PBX1: variants seen among roughly 807,000 people sequenced by gnomAD.
The protein encoded by PBX1 is PBX homeobox 1, also known as pre-B-cell leukemia transcription factor 1.
PBX1 carries 6 observed loss-of-function variants against 53.4 expected under a neutral mutation model. That is an observed-to-expected ratio of 0.11 (90% CI 0.06 to 0.22). The LOEUF (loss-of-function observed/expected upper bound fraction) is 0.22, where lower values mean the gene tolerates loss of function less well. PBX1 is among the 10% of genes least tolerant of loss of function. PBX1 has a pLI of 1.00. For missense variants in PBX1, 251 were observed against 551.4 expected (o/e 0.46, Z 5.46); for synonymous variants, 204 against 212.3 (o/e 0.96, Z 0.34).
chr1:164,792,795 G>A, intron 3 of PBX1, 57 bp downstream of exon 3: 1 of 1,330,472 alleles, frequency 7.5e-7, no homozygotes, highest in African/African-American at 1.5e-5. Context: ...GGTGGAGGAA[G>A]CACAACCCCG....
intron 2 of PBX1, among the ~76,000 whole-genome samples, chr1:164,790,465 T>C (rs1476739248): frequency 3.9e-5 from 6 of 152,120 alleles, no homozygotes; most frequent in Non-Finnish European, 5.9e-5. Context: ...CATGACGTGG[T>C]AGTGTTGTGG....
At chr1:164,871,817 C>T (rs1341194600) in intron 2 of PBX1, among the ~76,000 whole-genome samples, 2 of 152,058 alleles carry the variant, frequency 1.3e-5, no homozygotes, top group Non-Finnish European at 2.9e-5. Flanking sequence ...AAGAATGGAC[C>T]GCTCTCCTTC....
chr1:164,700,455 T>G (rs1663052825), intron 2 of PBX1: 2 of 985,328 alleles, frequency 2.0e-6, no homozygotes, highest in Non-Finnish European at 2.4e-6. Context: ...GGGAGGAGAT[T>G]CATGTTACTT....
At chr1:164,723,855 T>A (rs1408461598) in intron 2 of PBX1, among the ~76,000 whole-genome samples, 1 of 152,148 alleles carries the variant, frequency 6.6e-6, no homozygotes, top group Non-Finnish European at 1.5e-5. Context: ...GAAATTAAAG[T>A]GTATAATTAA....
At chr1:164,561,405 A>T (rs1340065511) in intron 1 of PBX1, among the ~76,000 whole-genome samples, 3 of 152,222 alleles carry the variant, frequency 2.0e-5, no homozygotes, top group African/African-American at 7.2e-5. Context: ...AAATGTTGAA[A>T]GACTCAAAGT....
chr1:164,856,858 T>C (rs766368142), intron 2 of PBX1, among the ~76,000 whole-genome samples: 15 of 152,206 alleles, frequency 9.9e-5, no homozygotes, highest in Non-Finnish European at 1.8e-4. Context: ...ACTGGTCCCC[T>C]ATCTGCTGCT....
chr1:164,688,094 C>T (rs1483122987), intron 2 of PBX1, among the ~76,000 whole-genome samples: 14 of 152,188 alleles, frequency 9.2e-5, no homozygotes, highest in Non-Finnish European at 4.4e-5. Flanking sequence ...CTGCCTCTCC[C>T]AGCTCTTTTC....
intron 2 of PBX1, among the ~76,000 whole-genome samples, chr1:164,702,597 G>A (rs1041195692): frequency 6.6e-6 from 1 of 152,162 alleles, no homozygotes; most frequent in African/African-American, 2.4e-5. Flanking sequence ...TGTCACGCAT[G>A]TGCTTGACTG....
rs138782817 is a variant in PBX1, at chr1:164,705,211, C to T, written c.266-87283C>T. Among the ~76,000 whole-genome samples, 787 of 152,248 alleles carry T rather than the reference C, an allele frequency of 5.2e-3. 8 individuals carry two copies. Among genetic ancestry groups the T allele is most frequent in the African/African-American group, 0.018 (732 of 41,544 alleles). Reference sequence around the variant, plus strand: ...AACCAAAAATGTCTCCAGACATTGCCAGATGTCTCCTGGGAGGCAAAATTA... The same window carrying T: ...AACCAAAAATGTCTCCAGACATTGCTAGATGTCTCCTGGGAGGCAAAATTA... On this transcript the variant is annotated intron_variant, in intron 2 of 8. Coordinates refer to ENST00000420696, the MANE Select transcript of PBX1 (RefSeq NM_002585.4).
At chr1:164,708,278 T>G (rs1319490667) in intron 2 of PBX1, among the ~76,000 whole-genome samples, 1 of 152,170 alleles carries the variant, frequency 6.6e-6, no homozygotes, top group African/African-American at 2.4e-5. Flanking sequence ...AAGGGGCAGA[T>G]AGAGATGAGT....
intron 2 of PBX1, among the ~76,000 whole-genome samples, chr1:164,885,897 C>G (rs1367695806): frequency 6.6e-6 from 1 of 152,106 alleles, no homozygotes; most frequent in Non-Finnish European, 1.5e-5. Context: ...ACCTAACATA[C>G]TATATAGCAC....
intron 2 of PBX1, among the ~76,000 whole-genome samples, chr1:164,777,131 A>G (rs974810510): frequency 2.0e-5 from 3 of 152,136 alleles, no homozygotes; most frequent in African/African-American, 7.2e-5. Flanking sequence ...TCACCTTAGC[A>G]TCTTTGAAAT....
intron 2 of PBX1, among the ~76,000 whole-genome samples, chr1:164,722,297 T>C: frequency 6.6e-6 from 1 of 152,192 alleles, no homozygotes; most frequent in East Asian, 1.9e-4. Context: ...TCTGGTTCCA[T>C]TTTTCTTTAT....
intron 2 of PBX1, among the ~76,000 whole-genome samples, chr1:164,732,422 G>A (rs777626995): frequency 6.6e-6 from 1 of 152,096 alleles, no homozygotes; most frequent in Non-Finnish European, 1.5e-5. Flanking sequence ...TATTAAAAAT[G>A]TTCCCCTTTC....
chr1:164,845,486 T>C (rs1317303027), intron 8 of PBX1, among the ~76,000 whole-genome samples: 1 of 152,192 alleles, frequency 6.6e-6, no homozygotes, highest in African/African-American at 2.4e-5. Flanking sequence ...CCTGATCTGT[T>C]CAACGTGAAC....
At position 164,592,399 on chromosome 1, in the gene PBX1, C is replaced by T. The variant is rs140330683; in HGVS notation, c.265+29088C>T. Reference sequence around the variant, plus strand: ...ATTGCTGCAAATTTGCCTAGTAGCCCAACTTTCCAAAGTTAAGATCATCCC... The same window carrying T: ...ATTGCTGCAAATTTGCCTAGTAGCCTAACTTTCCAAAGTTAAGATCATCCC... On this transcript the variant is annotated intron_variant, in intron 2 of 8. Coordinates refer to ENST00000420696, the MANE Select transcript of PBX1 (RefSeq NM_002585.4). Among the ~76,000 whole-genome samples the T allele has an allele frequency of 1.9e-3, 293 of 152,290 alleles. 2 individuals carry two copies. In the Middle Eastern group the frequency reaches 0.024, roughly 12 times the overall value.
intron 2 of PBX1, among the ~76,000 whole-genome samples, chr1:164,875,159 G>T (rs1353364058): frequency 6.6e-6 from 1 of 152,160 alleles, no homozygotes; most frequent in Non-Finnish European, 1.5e-5. Context: ...CCTCTGATGT[G>T]AAGTTAGGAC....
At chr1:164,741,123 T>C (rs556851058) in intron 2 of PBX1, among the ~76,000 whole-genome samples, 1 of 152,230 alleles carries the variant, frequency 6.6e-6, no homozygotes, top group Non-Finnish European at 1.5e-5. Flanking sequence ...TGGTATAGAT[T>C]GTGAAGCACA....
intron 2 of PBX1, among the ~76,000 whole-genome samples, chr1:164,602,918 T>TC (rs1656278435): frequency 6.6e-6 from 1 of 152,198 alleles, no homozygotes; most frequent in African/African-American, 2.4e-5. Context: ...CCAGTCCACG[T>TC]CCCGTCCCGG....
Sources: gnomAD v4.1 joint callset for allele counts (sites outside exome capture counted in the v4.1 genomes callset) on GRCh38, gnomAD v4.1.1 for gene constraint, MANE v1.5 for transcripts, NCBI Gene and HGNC (gene_info 2026-07-23, HGNC 2026-07-21) for gene names.